Variants in GMDS observed in about 807,000 individuals in gnomAD.
GMDS encodes GDP-mannose 4,6 dehydratase.
Under a neutral mutation model 49.9 loss-of-function variants are expected in GMDS, and 20 were observed. The ratio of observed to expected loss-of-function variants is 0.40; its 90% CI spans 0.28 to 0.58. The LOEUF is 0.58. GMDS is among the 20% of genes least tolerant of loss of function. The pLI is 0.42. For missense variants in GMDS, 362 were observed against 481.4 expected, an observed-to-expected ratio of 0.75 and a Z score of 2.32; for synonymous variants, 177 against 178.6, an observed-to-expected ratio of 0.99 and a Z score of 0.07.
chr6:2,245,410 G>C lies in GMDS; in HGVS notation c.13C>G (p.Pro5Ala), dbSNP rs1781823716. 2 of 1,523,210 alleles carry C rather than the reference G, an allele frequency of 1.3e-6. No homozygotes were observed. The highest frequency in any genetic ancestry group is 1.8e-6 in the Non-Finnish European group (2 of 1,140,416). The allele number at this position is 1,523,210 out of a possible 1,614,324, so 94.4% of individuals were successfully genotyped here. A position where few individuals can be genotyped will look rare whatever the true frequency, so the allele number is the denominator to read the frequency against. Residue 5 changes from proline to alanine, a missense_variant, in exon 1 of 11, where the codon CCG becomes GCG. Pro to Ala is a conservative substitution (Grantham distance 27, BLOSUM62 -1). Coordinates refer to ENST00000380815, the MANE Select transcript of GMDS (RefSeq NM_001500.4). ...CCCCGGGCGCTGGGGCAGCGTGCCG[G>C]TGCGTGTGCCATGTCCCGCGGCGGG... is the stretch of plus-strand genomic sequence containing the variant. MAHAPARCPSARGSG... is the reference protein window; with the variant it reads MAHAAARCPSARGSG...
chr6:1,859,243 C>T (rs566078388), intron 7 of GMDS, among the ~76,000 whole-genome samples: 5 of 152,288 alleles, frequency 3.3e-5, no homozygotes, highest in African/African-American at 7.2e-5. Flanking sequence ...GGTGCTACTT[C>T]GGCGCTGCTG....
chr6:2,025,834 G>A (rs550957821), intron 4 of GMDS, among the ~76,000 whole-genome samples: 3 of 152,108 alleles, frequency 2.0e-5, no homozygotes, highest in Non-Finnish European at 4.4e-5. Context: ...CTAAAAAACC[G>A]ACATAGGAAA....
At chr6:1,649,625 C>T (rs1006535381) in intron 9 of GMDS, among the ~76,000 whole-genome samples, 1 of 152,198 alleles carries the variant, frequency 6.6e-6, no homozygotes, top group Admixed American at 6.5e-5. Context: ...ATGCTCCTGC[C>T]CTAATTACTG....
At chr6:2,045,445 T>G (rs61179395) in intron 4 of GMDS, among the ~76,000 whole-genome samples, 1,890 of 152,220 alleles carry the variant, frequency 0.012, 40 homozygotes, top group African/African-American at 0.044. Context: ...TTTTTTTCTT[T>G]CTTGCTTAAG....
intron 9 of GMDS, among the ~76,000 whole-genome samples, chr6:1,724,357 C>G (rs189682554): frequency 2.0e-5 from 3 of 152,174 alleles, no homozygotes; most frequent in African/African-American, 7.2e-5. Context: ...GCGTCGGTCA[C>G]GGCAGGAAAG....
chr6:2,193,643 T>C (rs767743836), intron 1 of GMDS, among the ~76,000 whole-genome samples: 4 of 152,222 alleles, frequency 2.6e-5, no homozygotes, highest in Non-Finnish European at 4.4e-5. Context: ...AATTTCATTT[T>C]AGGATTGTAA....
chr6:2,177,109 G>A (rs770923886), intron 1 of GMDS, among the ~76,000 whole-genome samples: 1 of 152,160 alleles, frequency 6.6e-6, no homozygotes, highest in Non-Finnish European at 1.5e-5. Flanking sequence ...GTAAGCAGGA[G>A]GCATGTTTTC....
intron 7 of GMDS, among the ~76,000 whole-genome samples, chr6:1,763,959 CTT>C (rs1003672428): frequency 1.3e-5 from 2 of 152,194 alleles, no homozygotes; most frequent in African/African-American, 4.8e-5. Context: ...GGCACCCCCT[CTT>C]GGCAGGCACC....
intron 9 of GMDS, among the ~76,000 whole-genome samples, chr6:1,631,594 T>C (rs1428102517): frequency 2.0e-5 from 3 of 152,096 alleles, no homozygotes; most frequent in Non-Finnish European, 2.9e-5. Context: ...ATGTATACAG[T>C]ATATTAAGTC....
At chr6:1,739,383 C>T (rs950666500) in intron 8 of GMDS, among the ~76,000 whole-genome samples, 17 of 152,248 alleles carry the variant, frequency 1.1e-4, no homozygotes, top group African/African-American at 3.9e-4. Context: ...GCCCTAACCA[C>T]TCCCTGCGTG....
chr6:1,781,970 C>A (rs765402411), intron 7 of GMDS, among the ~76,000 whole-genome samples: 2 of 152,002 alleles, frequency 1.3e-5, no homozygotes, highest in Admixed American at 1.3e-4. Flanking sequence ...CCCTACACCT[C>A]GCCGCCAAGT....
At chr6:2,180,145 T>C (rs958745257) in intron 1 of GMDS, among the ~76,000 whole-genome samples, 1 of 152,180 alleles carries the variant, frequency 6.6e-6, no homozygotes, top group Non-Finnish European at 1.5e-5. Flanking sequence ...GACTAGCAAC[T>C]GGCTGGCTAC....
chr6:1,733,528 G>C (rs1185704152), intron 8 of GMDS, among the ~76,000 whole-genome samples: 1 of 152,152 alleles, frequency 6.6e-6, no homozygotes, highest in Non-Finnish European at 1.5e-5. Context: ...CTCAAAGGAG[G>C]GCCAGAGGCC....
chr6:1,841,467 GT>G (rs1298969947), intron 7 of GMDS, among the ~76,000 whole-genome samples: 1 of 152,128 alleles, frequency 6.6e-6, no homozygotes, highest in Non-Finnish European at 1.5e-5. Flanking sequence ...AAATGCTAAC[GT>G]TTTTGAAATG....
chr6:2,160,644 A>C (rs1484394261), intron 1 of GMDS, among the ~76,000 whole-genome samples: 2 of 152,112 alleles, frequency 1.3e-5, no homozygotes, highest in African/African-American at 2.4e-5. Flanking sequence ...AGGTAGTTCC[A>C]GCTACCTCAG....
chr6:1,797,293 T>C (rs1250529035), intron 7 of GMDS, among the ~76,000 whole-genome samples: 1 of 152,038 alleles, frequency 6.6e-6, no homozygotes, highest in African/African-American at 2.4e-5. Flanking sequence ...AGTGGAAAAA[T>C]TGTCATTTAA....
chr6:1,869,415 T>C (rs143620448), intron 7 of GMDS, among the ~76,000 whole-genome samples: 137 of 152,184 alleles, frequency 9.0e-4, no homozygotes, highest in African/African-American at 3.1e-3. Flanking sequence ...TTGAGGCCGA[T>C]TGAGGGTTTA....
chr6:1,751,872 T>A (rs1165777792), intron 7 of GMDS, among the ~76,000 whole-genome samples: 4 of 152,176 alleles, frequency 2.6e-5, no homozygotes, highest in African/African-American at 9.6e-5. Context: ...AAAAACTCCA[T>A]CCAAAGGTCA....
intron 4 of GMDS, among the ~76,000 whole-genome samples, chr6:2,016,406 C>G (rs937364547): frequency 6.6e-6 from 1 of 152,100 alleles, no homozygotes; most frequent in African/African-American, 2.4e-5. Context: ...GAAGGCATAA[C>G]CATCCTAAAT....
Sources: gnomAD v4.1 joint callset for allele counts (sites outside exome capture counted in the v4.1 genomes callset) on GRCh38, gnomAD v4.1.1 for gene constraint, MANE v1.5 for transcripts, NCBI Gene and HGNC (gene_info 2026-07-23, HGNC 2026-07-21) for gene names.